NR2C1: variants seen among roughly 807,000 people sequenced by gnomAD.
NR2C1 encodes TR2 nuclear hormone receptor.
A neutral mutation model predicts 74.8 loss-of-function variants in NR2C1; 33 were observed. The observed-to-expected ratio is 0.44, with a 90% confidence interval of 0.33 to 0.59. NR2C1 has a LOEUF of 0.59. Ranked by LOEUF, NR2C1 falls within the 20% of genes least tolerant of loss-of-function variation. NR2C1 has a pLI of 0.02. For missense variants in NR2C1, 568 were observed against 715.6 expected (o/e 0.79, Z 2.35); for synonymous variants, 225 against 240.6 (o/e 0.94, Z 0.60).
At chr12:95,022,699 A>G (rs1249937873) in intron 13 of NR2C1, among the ~76,000 whole-genome samples, 1 of 128,504 alleles carries the variant, frequency 7.8e-6, no homozygotes, top group East Asian at 2.1e-4. Context: ...CAAGTTATAC[A>G]ATTTTTTTTT....
At chr12:95,042,402 G>A (rs960256689) in intron 9 of NR2C1, among the ~76,000 whole-genome samples, 1 of 151,740 alleles carries the variant, frequency 6.6e-6, no homozygotes, top group Non-Finnish European at 1.5e-5. Context: ...TAGTAGAGAC[G>A]GGGTTGTACC....
intron 10 of NR2C1, among the ~76,000 whole-genome samples, chr12:95,036,096 T>C (rs1315344792): frequency 6.6e-6 from 1 of 152,170 alleles, no homozygotes; most frequent in Non-Finnish European, 1.5e-5. Flanking sequence ...CTCCTCCATT[T>C]AAGGTTAATA....
intron 2 of NR2C1, among the ~76,000 whole-genome samples, chr12:95,063,268 A>G (rs764678938): frequency 6.6e-6 from 1 of 152,202 alleles, no homozygotes; most frequent in Admixed American, 6.5e-5. Context: ...GCTTAGGACT[A>G]CCTAGGGGAA....
At chr12:95,065,458 A>T (rs560233912) in intron 2 of NR2C1, among the ~76,000 whole-genome samples, 21 of 152,266 alleles carry the variant, frequency 1.4e-4, no homozygotes, top group South Asian at 8.3e-4. Context: ...ATTAAATGTT[A>T]ACATAATTTT....
Position 95,033,196 on chromosome 12 carries a change from T to C in NR2C1, c.1254-1708A>G, listed in dbSNP as rs184179641. 3.8e-3 allele frequency among the ~76,000 whole-genome samples: 573 copies of C among 150,048 alleles called. 3 individuals carry two copies. Among genetic ancestry groups the C allele is most frequent in the Non-Finnish European group, 6.2e-3 (419 of 67,432 alleles). ...AAGTATATGCCAGGTACTGGAGAAATAGCAATTAAGAGATTAAGTTTGCCT... is the reference window on the plus strand; with the variant it reads ...AAGTATATGCCAGGTACTGGAGAAACAGCAATTAAGAGATTAAGTTTGCCT... On this transcript the variant is annotated intron_variant, in intron 10 of 13. Transcript: ENST00000333003.
At chr12:95,060,331 C>T (rs1413473773) in intron 3 of NR2C1, among the ~76,000 whole-genome samples, 3 of 152,150 alleles carry the variant, frequency 2.0e-5, no homozygotes, top group Non-Finnish European at 4.4e-5. Context: ...TAATAAGATA[C>T]TGGCAAAGGA....
chr12:95,046,597 A>G (rs568237418), intron 9 of NR2C1, among the ~76,000 whole-genome samples: 1 of 152,200 alleles, frequency 6.6e-6, no homozygotes, highest in African/African-American at 2.4e-5. Context: ...CAAAGAAAAA[A>G]AAAATTAAAA....
At chr12:95,048,138 C>A (rs2136146528) in intron 9 of NR2C1, among the ~76,000 whole-genome samples, 1 of 152,306 alleles carries the variant, frequency 6.6e-6, no homozygotes, top group East Asian at 1.9e-4. Flanking sequence ...GTTGCCCAGG[C>A]TGGTCTCCAA....
intron 7 of NR2C1, among the ~76,000 whole-genome samples, chr12:95,055,973 A>AAAAAAAC (rs1873791140): frequency 6.6e-6 from 1 of 151,386 alleles, no homozygotes; most frequent in African/African-American, 2.4e-5. Flanking sequence ...AAAAAAAAAA[A>AAAAAAAC]AATCAGATCC....
At chr12:95,022,716 T>TGA (rs1304221914) in intron 13 of NR2C1, among the ~76,000 whole-genome samples, 2 of 151,490 alleles carry the variant, frequency 1.3e-5, no homozygotes, top group African/African-American at 4.9e-5. Context: ...TTTTTTTTTT[T>TGA]GAGAGAGGGC....
At chr12:95,049,697 T>C (rs1227425473) in intron 8 of NR2C1, among the ~76,000 whole-genome samples, 2 of 152,158 alleles carry the variant, frequency 1.3e-5, no homozygotes, top group Non-Finnish European at 2.9e-5. Flanking sequence ...ATTTATTTTG[T>C]ATACAAAAGT....
intron 9 of NR2C1, among the ~76,000 whole-genome samples, chr12:95,046,346 G>C (rs959649071): frequency 3.9e-5 from 6 of 152,202 alleles, no homozygotes; most frequent in South Asian, 2.1e-4. Flanking sequence ...AGCACTTCGG[G>C]AGGCCGAAGT....
At chr12:95,061,153 C>A (rs2136187485) in intron 3 of NR2C1, among the ~76,000 whole-genome samples, 1 of 152,268 alleles carries the variant, frequency 6.6e-6, no homozygotes, top group South Asian at 2.1e-4. Flanking sequence ...TCAAGGTCAT[C>A]AAAAACAAGG....
At chr12:95,032,187 A>T (rs1401275988) in intron 10 of NR2C1, among the ~76,000 whole-genome samples, 1 of 152,242 alleles carries the variant, frequency 6.6e-6, no homozygotes, top group Non-Finnish European at 1.5e-5. Context: ...ATTTTATAGT[A>T]GGCAAGCAAC....
At chr12:95,071,414 T>C (rs1157175955) in intron 1 of NR2C1, among the ~76,000 whole-genome samples, 2 of 152,210 alleles carry the variant, frequency 1.3e-5, no homozygotes, top group African/African-American at 2.4e-5. Context: ...GTCTTGTCAC[T>C]GAAAAACGGC....
intron 8 of NR2C1, chr12:95,049,501 A>G (rs1465030081): frequency 1.5e-5 from 4 of 261,140 alleles, no homozygotes; most frequent in Non-Finnish European, 1.4e-5. Flanking sequence ...TTTAAAAGTT[A>G]TATATTTTAT....
Position 95,031,191 on chromosome 12 carries a change from T to C in NR2C1, c.1393+158A>G, listed in dbSNP as rs189873083. 5.3e-3 allele frequency among the ~76,000 whole-genome samples: 781 copies of C among 146,202 alleles called. 2 individuals carry two copies. Among genetic ancestry groups the C allele is most frequent in the Middle Eastern group, 0.014 (4 of 294 alleles). On this transcript the variant is annotated intron_variant, in intron 11 of 13. Coordinates refer to ENST00000333003, the MANE Select transcript of NR2C1 (RefSeq NM_003297.4). ...TTAAAAAATATTTTTAGAGGATTAG[T>C]AAATTTATAAAATTGTAAAAATTAT...
At chr12:95,050,763 G>C (rs1872884737) in intron 8 of NR2C1, among the ~76,000 whole-genome samples, 1 of 151,920 alleles carries the variant, frequency 6.6e-6, no homozygotes, top group Non-Finnish European at 1.5e-5. Flanking sequence ...GATAAACGCA[G>C]TGTAGGAAAA....
intron 1 of NR2C1, among the ~76,000 whole-genome samples, chr12:95,069,899 T>C (rs1314171518): frequency 6.6e-6 from 1 of 152,170 alleles, no homozygotes; most frequent in Non-Finnish European, 1.5e-5. Context: ...TTTCAGTTGA[T>C]TGAGTCCCTG....
Sources: allele counts gnomAD v4.1 joint callset (sites outside exome capture counted in the v4.1 genomes callset), GRCh38; gene constraint gnomAD v4.1.1; transcripts MANE v1.5; gene names NCBI Gene and HGNC (gene_info 2026-07-23, HGNC 2026-07-21).